The following CREB5 variants were observed in gnomAD, a reference collection of about 807,000 sequenced individuals.
CREB5 encodes cyclic AMP-responsive element-binding protein 5.
In CREB5, 19 loss-of-function variants were observed where a neutral mutation model predicts 57.1. That is an observed-to-expected ratio of 0.33 (90% CI 0.23 to 0.49). The LOEUF is 0.49. CREB5 is among the 20% of genes least tolerant of loss of function. The pLI, the probability that CREB5 is intolerant of heterozygous loss-of-function variation, is 0.99. For synonymous variants in CREB5, 238 were observed against 238.3 expected, an observed-to-expected ratio of 1.00 and a Z score of 0.01; for missense variants, 579 against 671.6, an observed-to-expected ratio of 0.86 and a Z score of 1.52.
At chr7:28,750,368 A>G (rs371989525) in intron 7 of CREB5, among the ~76,000 whole-genome samples, 9 of 152,314 alleles carry the variant, frequency 5.9e-5, no homozygotes, top group South Asian at 4.1e-4. Flanking sequence ...ATATCTTAAC[A>G]ATAAACTGGT....
chr7:28,492,868 C>G (rs181597679), intron 2 of CREB5, among the ~76,000 whole-genome samples: 1 of 151,906 alleles, frequency 6.6e-6, no homozygotes, highest in Non-Finnish European at 1.5e-5. Flanking sequence ...CTAAATCACA[C>G]GTGGTAGTGC....
intron 7 of CREB5, among the ~76,000 whole-genome samples, chr7:28,800,313 A>G (rs1280724361): frequency 6.6e-6 from 1 of 152,098 alleles, no homozygotes; most frequent in Admixed American, 6.5e-5. Context: ...GAAGATTGTG[A>G]AACGCGAAGG....
intron 5 of CREB5, among the ~76,000 whole-genome samples, chr7:28,710,831 A>G (rs1001040610): frequency 2.0e-5 from 3 of 152,218 alleles, no homozygotes; most frequent in Admixed American, 2.0e-4. Context: ...TTGTTGTTTA[A>G]TTGATCTTTG....
intron 1 of CREB5, among the ~76,000 whole-genome samples, chr7:28,349,651 C>T (rs2127990338): frequency 6.6e-6 from 1 of 152,234 alleles, no homozygotes; most frequent in African/African-American, 2.4e-5. Context: ...GACTTTTAAC[C>T]TATGTCAGTG....
intron 1 of CREB5, among the ~76,000 whole-genome samples, chr7:28,463,213 G>A (rs2128576924): frequency 6.6e-6 from 1 of 151,950 alleles, no homozygotes; most frequent in South Asian, 2.1e-4. Flanking sequence ...CATGATCTTG[G>A]CATCCTTCTT....
At chr7:28,378,393 G>A (rs1245111436) in intron 1 of CREB5, among the ~76,000 whole-genome samples, 3 of 151,742 alleles carry the variant, frequency 2.0e-5, no homozygotes, top group Non-Finnish European at 2.9e-5. Context: ...GTATACATAT[G>A]TAACAAAACT....
At chr7:28,728,844 A>G (rs1346312336) in intron 7 of CREB5, among the ~76,000 whole-genome samples, 1 of 152,176 alleles carries the variant, frequency 6.6e-6, no homozygotes, top group Non-Finnish European at 1.5e-5. Flanking sequence ...AAGCTAAGTA[A>G]TCAGCCTATC....
intron 1 of CREB5, among the ~76,000 whole-genome samples, chr7:28,364,675 G>A (rs1441382810): frequency 6.6e-6 from 1 of 152,164 alleles, no homozygotes; most frequent in African/African-American, 2.4e-5. Context: ...TCTCTGAACT[G>A]ATCTTGACCC....
At chr7:28,331,896 T>G (rs937656619) in intron 1 of CREB5, among the ~76,000 whole-genome samples, 2 of 151,986 alleles carry the variant, frequency 1.3e-5, no homozygotes, top group Non-Finnish European at 2.9e-5. Context: ...TTTAATTATT[T>G]GCTTAGTCAT....
At position 28,577,173 on chromosome 7, in the gene CREB5, C is replaced by A. The variant is rs111777030; in HGVS notation, c.464+6636C>A. ...GCTTCCCCAGGCCTGGTTTCCTTTA[C>A]CTACATATAAAGGGGTTAGCCAATT... On this transcript the variant is annotated intron_variant, in intron 5 of 10. Coordinates refer to ENST00000357727, the MANE Select transcript of CREB5 (RefSeq NM_182898.4). 6.5e-3 allele frequency among the ~76,000 whole-genome samples: 996 copies of A among 152,306 alleles called. 11 individuals are homozygous for A. The highest frequency in any genetic ancestry group is 0.023 in the African/African-American group (959 of 41,558).
At chr7:28,622,242 T>TTCTCTC (rs746423295) in intron 5 of CREB5, among the ~76,000 whole-genome samples, 21 of 139,316 alleles carry the variant, frequency 1.5e-4, no homozygotes, top group Non-Finnish European at 1.3e-4. Context: ...TATACACACA[T>TTCTCTC]TCTCTCTCTC....
At chr7:28,328,972 C>T (rs1481929043) in intron 1 of CREB5, among the ~76,000 whole-genome samples, 1 of 152,206 alleles carries the variant, frequency 6.6e-6, no homozygotes, top group African/African-American at 2.4e-5. Context: ...TTGCCGGTGA[C>T]TTACCCTCTC....
chr7:28,498,717 G>A (rs1205047315), intron 3 of CREB5, among the ~76,000 whole-genome samples: 1 of 152,164 alleles, frequency 6.6e-6, no homozygotes. Context: ...AAGGGACAGA[G>A]TAGAGACACA....
intron 1 of CREB5, among the ~76,000 whole-genome samples, chr7:28,419,504 G>A (rs1788155319): frequency 6.6e-6 from 1 of 152,194 alleles, no homozygotes; most frequent in South Asian, 2.1e-4. Flanking sequence ...GTGCCAGGGG[G>A]CGATTATTTT....
intron 1 of CREB5, among the ~76,000 whole-genome samples, chr7:28,398,455 G>C (rs1787381794): frequency 6.6e-6 from 1 of 152,158 alleles, no homozygotes; most frequent in Admixed American, 6.5e-5. Context: ...CTAAGCTGAT[G>C]AATCAGTTTA....
intron 5 of CREB5, among the ~76,000 whole-genome samples, chr7:28,673,708 TGCCACCCAG>T (rs1408192463): frequency 8.0e-6 from 1 of 125,266 alleles, no homozygotes; most frequent in Non-Finnish European, 1.6e-5. Context: ...AGTCTCGCTC[TGCCACCCAG>T]GCGGGAGTGC....
intron 5 of CREB5, among the ~76,000 whole-genome samples, chr7:28,651,492 A>C (rs907287347): frequency 2.0e-5 from 3 of 152,200 alleles, no homozygotes; most frequent in African/African-American, 7.2e-5. Flanking sequence ...CTGTAATCTC[A>C]GCACTTTGAG....
At chr7:28,350,946 G>A (rs1786173730) in intron 1 of CREB5, among the ~76,000 whole-genome samples, 1 of 152,208 alleles carries the variant, frequency 6.6e-6, no homozygotes. Flanking sequence ...TGGACTTTGT[G>A]TCAGTTGTGA....
At chr7:28,543,048 T>C (rs28583076) in intron 4 of CREB5, among the ~76,000 whole-genome samples, 23,819 of 152,110 alleles carry the variant, frequency 0.16, 2,491 homozygotes, top group African/African-American at 0.3. Context: ...TAACTTTTTT[T>C]TTAAGTTTAC....
Sources: allele counts gnomAD v4.1 joint callset (sites outside exome capture counted in the v4.1 genomes callset), GRCh38; gene constraint gnomAD v4.1.1; transcripts MANE v1.5; gene names NCBI Gene and HGNC (gene_info 2026-07-23, HGNC 2026-07-21).